The following ANKS1B variants were observed in gnomAD, a reference collection of about 807,000 sequenced individuals.
ANKS1B encodes the protein ankyrin repeat and sterile alpha motif domain-containing protein 1B.
In ANKS1B, 36 loss-of-function variants were observed where a neutral mutation model predicts 148.3. The observed-to-expected ratio is 0.24, with a 90% CI of 0.19 to 0.32. The LOEUF (loss-of-function observed/expected upper bound fraction) is 0.32, where lower values mean the gene tolerates loss of function less well. Ranked by LOEUF, ANKS1B falls within the 10% of genes least tolerant of loss-of-function variation. The pLI is 1.00. For synonymous variants in ANKS1B, 542 were observed against 560.8 expected, an observed-to-expected ratio of 0.97 and a Z score of 0.47; for missense variants, 1,157 against 1,542.6, an observed-to-expected ratio of 0.75 and a Z score of 4.19.
At chr12:99,536,059 G>A (rs1204364723) in intron 9 of ANKS1B, among the ~76,000 whole-genome samples, 1 of 152,160 alleles carries the variant, frequency 6.6e-6, no homozygotes, top group Non-Finnish European at 1.5e-5. Context: ...CATATTTGAT[G>A]TATGCAGCAG....
chr12:99,619,257 A>G (rs987514510), intron 9 of ANKS1B, among the ~76,000 whole-genome samples: 13 of 152,038 alleles, frequency 8.6e-5, no homozygotes, highest in Non-Finnish European at 1.9e-4. Context: ...GCAGATTTCC[A>G]GGTATTCAGA....
chr12:99,948,066 AATTAT>A (rs1471394048), intron 1 of ANKS1B, among the ~76,000 whole-genome samples: 7 of 152,170 alleles, frequency 4.6e-5, no homozygotes, highest in African/African-American at 1.7e-4. Context: ...TAGGAACCTC[AATTAT>A]ATCTCAAAAC....
At chr12:98,770,538 C>A (rs2098552126) in intron 25 of ANKS1B, among the ~76,000 whole-genome samples, 1 of 152,210 alleles carries the variant, frequency 6.6e-6, no homozygotes, top group South Asian at 2.1e-4. Context: ...TCTCGCAGGG[C>A]TTTGCTTTGC....
chr12:99,533,513 T>C (rs11109905), intron 9 of ANKS1B, among the ~76,000 whole-genome samples: 6 of 152,176 alleles, frequency 3.9e-5, no homozygotes, highest in Non-Finnish European at 7.4e-5. Flanking sequence ...CTTTTCCAAT[T>C]TGGATGTTCT....
At chr12:99,690,682 T>C (rs1291740364) in intron 8 of ANKS1B, among the ~76,000 whole-genome samples, 1 of 152,204 alleles carries the variant, frequency 6.6e-6, no homozygotes, top group East Asian at 1.9e-4. Flanking sequence ...CTTAGGCAGC[T>C]CCACCCCTGT....
chr12:99,864,079 CAAAAAAAAAAAA>C (rs11445634), intron 1 of ANKS1B, among the ~76,000 whole-genome samples: 1 of 65,288 alleles, frequency 1.5e-5, no homozygotes, highest in African/African-American at 6.3e-5. Flanking sequence ...GACTACATCT[CAAAAAAAAAAAA>C]AAAAAAAAAA....
chr12:99,575,854 T>C (rs1214485546), intron 9 of ANKS1B, among the ~76,000 whole-genome samples: 2 of 151,986 alleles, frequency 1.3e-5, no homozygotes, highest in African/African-American at 2.4e-5. Flanking sequence ...AAAGTCTACA[T>C]AACAACCAGG....
chr12:99,226,326 G>A (rs936906042), intron 14 of ANKS1B, among the ~76,000 whole-genome samples: 2 of 152,176 alleles, frequency 1.3e-5, no homozygotes, highest in Admixed American at 1.3e-4. Flanking sequence ...AGTAACAGTA[G>A]ATGATAGGTA....
At chr12:98,932,868 T>C (rs776288008) in intron 17 of ANKS1B, among the ~76,000 whole-genome samples, 2 of 152,182 alleles carry the variant, frequency 1.3e-5, no homozygotes, top group Non-Finnish European at 2.9e-5. Flanking sequence ...TTTCTGTGTG[T>C]GTGTGATTAT....
intron 12 of ANKS1B, among the ~76,000 whole-genome samples, chr12:99,277,399 C>T (rs771498084): frequency 3.9e-5 from 6 of 152,004 alleles, no homozygotes; most frequent in Admixed American, 3.9e-4. Context: ...GGTGCCACAT[C>T]GAAAAATGGC....
At chr12:99,895,780 CT>C (rs771377144) in intron 1 of ANKS1B, among the ~76,000 whole-genome samples, 4 of 151,092 alleles carry the variant, frequency 2.6e-5, no homozygotes, top group Non-Finnish European at 5.9e-5. Context: ...ATTTCAGCCT[CT>C]TTTCTATGGA....
chr12:99,927,524 C>T (rs547608205), intron 1 of ANKS1B, among the ~76,000 whole-genome samples: 3 of 152,178 alleles, frequency 2.0e-5, no homozygotes, highest in African/African-American at 7.2e-5. Context: ...AAGAATGTCT[C>T]TTTGCTTGTT....
chr12:98,745,375 C>CCTTTTTTTTTTTT lies in ANKS1B; in HGVS notation c.*363_*364insAAAAAAAAAAAAG, dbSNP rs2097857299. On this transcript the variant is annotated 3_prime_UTR_variant, in exon 27 of 27. Transcript: ENST00000683438. ...TAGGCAGTATTAGAGATCCCCTTTA[C>CCTTTTTTTTTTTT]TTTTTTTTTTTTTTTTTTTTTTTTA... 4 of 913,714 alleles carry CCTTTTTTTTTTTT rather than the reference C, an allele frequency of 4.4e-6. No homozygotes were observed. Among genetic ancestry groups the CCTTTTTTTTTTTT allele is most frequent in the Non-Finnish European group, 5.0e-6 (4 of 792,678 alleles). 56.6% of individuals were successfully genotyped at this position (913,714 alleles called of 1,614,324 possible). A position where few individuals can be genotyped will look rare whatever the true frequency, so the allele number is the denominator to read the frequency against.
At chr12:98,847,842 C>T (rs1300663988) in intron 17 of ANKS1B, among the ~76,000 whole-genome samples, 1 of 152,106 alleles carries the variant, frequency 6.6e-6, no homozygotes, top group African/African-American at 2.4e-5. Context: ...GTGATTTGCC[C>T]GCCTCAGCCT....
chr12:99,086,771 G>A (rs1039330948), intron 15 of ANKS1B, among the ~76,000 whole-genome samples: 1 of 152,138 alleles, frequency 6.6e-6, no homozygotes, highest in Non-Finnish European at 1.5e-5. Flanking sequence ...CGTCTATAGA[G>A]GTTCAAGAAT....
At position 99,655,069 on chromosome 12, in the gene ANKS1B, G is replaced by T; in HGVS notation, c.1270C>A (p.Gln424Lys). 1 of 1,570,504 alleles carries T rather than the reference G, an allele frequency of 6.4e-7. No homozygotes were observed. Reference sequence around the variant, plus strand: ...CCTTAATAAAAGCAAACTTTTACCTGGGCAAGCATGGGGAAGCCAAGGTTC... The same window carrying T: ...CCTTAATAAAAGCAAACTTTTACCTTGGCAAGCATGGGGAAGCCAAGGTTC... ...CRNLGFPMLA[Q>K]ESYPKKRNYT... Residue 424 changes from glutamine (Q) to lysine (K), a missense_variant and splice_region_variant, in exon 9 of 27, where the codon CAG (glutamine) becomes AAG (lysine). Coordinates refer to ENST00000683438, the MANE Select transcript of ANKS1B (RefSeq NM_001352186.2).
chr12:99,476,616 TAGTAGCTGAGGA>T (rs1264186495), intron 10 of ANKS1B, among the ~76,000 whole-genome samples: 1 of 152,196 alleles, frequency 6.6e-6, no homozygotes, highest in East Asian at 1.9e-4. Flanking sequence ...CTTGAACTAA[TAGTAGCTGAGGA>T]AGTACTAATT....
At chr12:99,592,406 G>T (rs1300749389) in intron 9 of ANKS1B, among the ~76,000 whole-genome samples, 1 of 151,250 alleles carries the variant, frequency 6.6e-6, no homozygotes, top group Non-Finnish European at 1.5e-5. Flanking sequence ...GGATGGTAAG[G>T]GTATTTCATT....
chr12:99,676,985 A>G (rs949171390), intron 8 of ANKS1B, among the ~76,000 whole-genome samples: 1 of 152,230 alleles, frequency 6.6e-6, no homozygotes, highest in African/African-American at 2.4e-5. Context: ...GTTGAGGTAT[A>G]TATCTTTATT....
Sources: gnomAD v4.1 joint callset for allele counts (sites outside exome capture counted in the v4.1 genomes callset) on GRCh38, gnomAD v4.1.1 for gene constraint, MANE v1.5 for transcripts, NCBI Gene and HGNC (gene_info 2026-07-23, HGNC 2026-07-21) for gene names.